CACNG2: variants seen among roughly 807,000 people sequenced by gnomAD.
The protein encoded by CACNG2 is calcium voltage-gated channel auxiliary subunit gamma 2.
Under a neutral mutation model 25.9 loss-of-function variants are expected in CACNG2, and 3 were observed. The ratio of observed to expected loss-of-function variants is 0.12; its 90% CI spans 0.05 to 0.30. The LOEUF (loss-of-function observed/expected upper bound fraction) is 0.30, where lower values mean the gene tolerates loss of function less well. CACNG2 is among the 10% of genes least tolerant of loss of function. The pLI, the probability that CACNG2 is intolerant of heterozygous loss-of-function variation, is 1.00. For missense variants in CACNG2, 341 were observed against 432.5 expected (o/e 0.79, Z 1.88); for synonymous variants, 167 against 173.3 (o/e 0.96, Z 0.29).
intron 1 of CACNG2, among the ~76,000 whole-genome samples, chr22:36,628,753 G>A (rs1936224094): frequency 6.6e-6 from 1 of 152,052 alleles, no homozygotes; most frequent in African/African-American, 2.4e-5. Context: ...CCTTCTAGGT[G>A]GATATAATAA....
chr22:36,580,073 G>T (rs946522188), intron 2 of CACNG2, among the ~76,000 whole-genome samples: 3 of 152,226 alleles, frequency 2.0e-5, no homozygotes, highest in African/African-American at 7.2e-5. Flanking sequence ...CGGGGCAGGT[G>T]CGAATTGCTG....
intron 1 of CACNG2, among the ~76,000 whole-genome samples, chr22:36,699,204 C>G (rs1937378685): frequency 6.6e-6 from 1 of 151,546 alleles, no homozygotes; most frequent in Non-Finnish European, 1.5e-5. Flanking sequence ...CTCGAATCCC[C>G]CTAAGGACAC....
intron 1 of CACNG2, among the ~76,000 whole-genome samples, chr22:36,645,120 G>T (rs1409324672): frequency 6.6e-6 from 1 of 152,146 alleles, no homozygotes; most frequent in Non-Finnish European, 1.5e-5. Context: ...AACAACATCT[G>T]TTCATCAACC....
chr22:36,567,610 G>T (rs1158685652), intron 2 of CACNG2, among the ~76,000 whole-genome samples: 1 of 151,812 alleles, frequency 6.6e-6, no homozygotes, highest in African/African-American at 2.4e-5. Context: ...AGGGGGACAG[G>T]TGGCTAAGGG....
intron 1 of CACNG2, among the ~76,000 whole-genome samples, chr22:36,678,887 A>G (rs1055298538): frequency 1.3e-5 from 2 of 152,080 alleles, no homozygotes; most frequent in Non-Finnish European, 2.9e-5. Flanking sequence ...TGGCTCATCC[A>G]TCTCATCGCA....
intron 2 of CACNG2, among the ~76,000 whole-genome samples, chr22:36,574,373 T>A (rs1375660989): frequency 1.3e-5 from 2 of 151,890 alleles, no homozygotes; most frequent in South Asian, 4.2e-4. Flanking sequence ...TGGATGGATA[T>A]GGGTAGTGAA....
At chr22:36,642,919 T>G (rs139945226) in intron 1 of CACNG2, among the ~76,000 whole-genome samples, 1 of 152,190 alleles carries the variant, frequency 6.6e-6, no homozygotes, top group South Asian at 2.1e-4. Context: ...GGGTGTCTAG[T>G]GATCTTTTCA....
chr22:36,677,491 C>T (rs1161656399), intron 1 of CACNG2, among the ~76,000 whole-genome samples: 5 of 152,138 alleles, frequency 3.3e-5, no homozygotes, highest in Non-Finnish European at 7.4e-5. Context: ...CCATATGCTA[C>T]AGAAGCCTAT....
At chr22:36,694,779 A>G (rs1040011368) in intron 1 of CACNG2, among the ~76,000 whole-genome samples, 5 of 152,210 alleles carry the variant, frequency 3.3e-5, no homozygotes, top group Admixed American at 6.5e-5. Context: ...AAGGGTGGGC[A>G]CCCACTGTCA....
intron 1 of CACNG2, among the ~76,000 whole-genome samples, chr22:36,679,197 C>CTTTCTTTCTTTCTTTCTTT (rs1937060219): frequency 1.7e-3 from 91 of 54,812 alleles, no homozygotes; most frequent in African/African-American, 5.8e-3. Context: ...TTCCTTCCTT[C>CTTTCTTTCTTTCTTTCTTT]CTTTCTTTCT....
intron 1 of CACNG2, among the ~76,000 whole-genome samples, chr22:36,642,742 C>A (rs1219735221): frequency 6.6e-6 from 1 of 152,208 alleles, no homozygotes; most frequent in Non-Finnish European, 1.5e-5. Flanking sequence ...ACTTCTCCTG[C>A]AGCTCGTTTG....
intron 1 of CACNG2, among the ~76,000 whole-genome samples, chr22:36,615,772 A>AAC (rs3076271): frequency 0.64 from 97,635 of 151,950 alleles, 31,513 homozygotes; most frequent in African/African-American, 0.67. Context: ...ATATTTGTGG[A>AAC]ACAGTCTGAT....
In CACNG2 at chr22:36,684,518, A is replaced by G. The variant is rs1207826425; in HGVS notation, c.211+17848T>C. ...GTAGTCTCAGCTCCTCAGGAGGCTC[A>G]GGTAGGAGGATCACTTGAGCCCAGT... On this transcript the variant is annotated intron_variant, in intron 1 of 3. Coordinates refer to ENST00000300105, the MANE Select transcript of CACNG2 (RefSeq NM_006078.5). Among the ~76,000 whole-genome samples the G allele has an allele frequency of 3.3e-5, 5 of 150,686 alleles. No individual in the cohort carries two copies. In the East Asian group the frequency reaches 1.0e-3, roughly 31 times the overall value.
chr22:36,695,158 G>A (rs1163642631), intron 1 of CACNG2, among the ~76,000 whole-genome samples: 3 of 152,130 alleles, frequency 2.0e-5, no homozygotes, highest in African/African-American at 7.2e-5. Context: ...CAAGGCTGCA[G>A]TGAGCTATGA....
intron 1 of CACNG2, among the ~76,000 whole-genome samples, chr22:36,650,394 G>A (rs1436499274): frequency 6.6e-6 from 1 of 151,844 alleles, no homozygotes; most frequent in African/African-American, 2.4e-5. Flanking sequence ...TTCTTGAGAC[G>A]GGGTCTTGCT....
At chr22:36,570,216 G>C (rs1313491625) in intron 2 of CACNG2, among the ~76,000 whole-genome samples, 1 of 152,240 alleles carries the variant, frequency 6.6e-6, no homozygotes, top group Non-Finnish European at 1.5e-5. Context: ...GGATGCATGC[G>C]TGTGGGCAGC....
intron 1 of CACNG2, among the ~76,000 whole-genome samples, chr22:36,603,505 C>G (rs1386077230): frequency 2.6e-5 from 4 of 152,176 alleles, no homozygotes; most frequent in Admixed American, 2.0e-4. Flanking sequence ...GAAGAAGATG[C>G]CATCTAGGAT....
intron 1 of CACNG2, among the ~76,000 whole-genome samples, chr22:36,649,732 T>C (rs1936579094): frequency 6.6e-6 from 1 of 152,206 alleles, no homozygotes; most frequent in African/African-American, 2.4e-5. Flanking sequence ...TCCCATGCTG[T>C]TCTTGTGACA....
rs116143483 is a variant in CACNG2, at chr22:36,592,252, G to A, written c.212-4704C>T. Among the ~76,000 whole-genome samples the A allele has an allele frequency of 5.3e-3, 793 of 149,124 alleles. 7 individuals are homozygous for A. The highest frequency in any genetic ancestry group is 0.018 in the African/African-American group (737 of 40,268). On this transcript the variant is annotated intron_variant, in intron 1 of 3. Coordinates refer to ENST00000300105, the MANE Select transcript of CACNG2 (RefSeq NM_006078.5). ...TGCAAAGGCGGGGGTGGGGGGTGGA[G>A]CGGGGAGGGCAGTCAATGCTTTTGA...
Sources: allele counts gnomAD v4.1 joint callset (sites outside exome capture counted in the v4.1 genomes callset), GRCh38; gene constraint gnomAD v4.1.1; transcripts MANE v1.5; gene names NCBI Gene and HGNC (gene_info 2026-07-23, HGNC 2026-07-21).